The following IQCH variants were observed in gnomAD, a reference collection of about 807,000 sequenced individuals.
IQCH encodes the protein IQ motif containing H.
In IQCH, 98 loss-of-function variants were observed where a neutral mutation model predicts 117.0. The observed-to-expected ratio is 0.84, with a 90% CI of 0.71 to 0.99. The LOEUF is 0.99. Among genes scored for constraint, IQCH ranks in the 50% least tolerant of loss-of-function variants. The pLI, the probability that IQCH is intolerant of heterozygous loss-of-function variation, is 0.00. For synonymous variants in IQCH, 412 were observed against 448.2 expected, an observed-to-expected ratio of 0.92 and a Z score of 1.02; for missense variants, 1,102 against 1,243.8, an observed-to-expected ratio of 0.89 and a Z score of 1.72.
chr15:67,269,378 T>C (rs1965808068), intron 3 of IQCH, among the ~76,000 whole-genome samples: 1 of 152,192 alleles, frequency 6.6e-6, no homozygotes, highest in African/African-American at 2.4e-5. Flanking sequence ...AATACTTGTA[T>C]ATATTTTCAA....
Position 67,481,306 on chromosome 15 carries a change from C to T in IQCH, c.2799+5488C>T, listed in dbSNP as rs141154261. On this transcript the variant is annotated intron_variant, in intron 18 of 20. Transcript: ENST00000335894. This position sits in a 1 kb window ranked among gnomAD's most constrained non-coding sequence, Gnocchi z 4.1. ...GCCTGGGGAGGTCTCAGGAAACTTA[C>T]AATCATGGCGAAAGGGGAAGCAAAC... Among the ~76,000 whole-genome samples the T allele has an allele frequency of 7.1e-3, 1,086 of 152,268 alleles. 13 individuals are homozygous for T. The highest frequency in any genetic ancestry group is 8.2e-3 in the Non-Finnish European group (555 of 68,008).
chr15:67,298,847 CAG>C (rs1208304762), intron 4 of IQCH, among the ~76,000 whole-genome samples: 1 of 152,006 alleles, frequency 6.6e-6, no homozygotes, highest in Non-Finnish European at 1.5e-5. Context: ...GCCTGGGTGA[CAG>C]AGCAATAATC....
In IQCH at chr15:67,417,620, C is replaced by A. The variant is rs771517526; in HGVS notation, c.2218+569C>A. Among the ~76,000 whole-genome samples the A allele has an allele frequency of 6.6e-6, 1 of 152,256 alleles. No homozygotes were observed. Among genetic ancestry groups the A allele is most frequent in the East Asian group, 1.9e-4 (1 of 5,188 alleles). On this transcript the variant is annotated intron_variant, in intron 15 of 20. Coordinates refer to ENST00000335894, the MANE Select transcript of IQCH (RefSeq NM_001031715.3). The surrounding 1 kb of genome is among the most constrained non-coding windows in gnomAD (Gnocchi z 4.3). ...AAAGCGAGCCTCCATTCCTTTCATC[C>A]TCCTCCTCCTACTTCATCCTCATTT...
chr15:67,463,919 T>C lies in IQCH; in HGVS notation c.2506-1208T>C, dbSNP rs1025705838. Among the ~76,000 whole-genome samples, 2 of 152,220 alleles carry C rather than the reference T, an allele frequency of 1.3e-5. No homozygotes were observed. The highest frequency in any genetic ancestry group is 4.1e-4 in the South Asian group (2 of 4,830). On this transcript the variant is annotated intron_variant, in intron 16 of 20. Transcript: ENST00000335894. The surrounding 1 kb of genome is among the most constrained non-coding windows in gnomAD (Gnocchi z 4.0). ...CTGTAGTGGTCTGATCTCGGCTCAC[T>C]GAAACCTCTGCCTCCTGGGTTCAAG...
At chr15:67,380,861 G>A (rs895595865) in intron 10 of IQCH, among the ~76,000 whole-genome samples, 1 of 152,162 alleles carries the variant, frequency 6.6e-6, no homozygotes, top group Admixed American at 6.5e-5. Flanking sequence ...ACCAAACTGA[G>A]GCATGAATGA....
At chr15:67,324,866 G>C (rs1968334109) in intron 4 of IQCH, among the ~76,000 whole-genome samples, 1 of 151,990 alleles carries the variant, frequency 6.6e-6, no homozygotes, top group Non-Finnish European at 1.5e-5. Context: ...CCAGGGGTTT[G>C]ATTATCATAT....
At chr15:67,276,665 A>G (rs1347405930) in intron 3 of IQCH, among the ~76,000 whole-genome samples, 1 of 151,482 alleles carries the variant, frequency 6.6e-6, no homozygotes, top group Admixed American at 6.6e-5. Flanking sequence ...TCTTACTTGC[A>G]TAGTTTCTGA....
At chr15:67,262,102 A>G (rs928340416) in intron 2 of IQCH, among the ~76,000 whole-genome samples, 10 of 151,032 alleles carry the variant, frequency 6.6e-5, no homozygotes, top group African/African-American at 1.7e-4. Context: ...AAAAAAAAGT[A>G]TATAAAAAAT....
chr15:67,260,566 A>T (rs1965414367), intron 1 of IQCH, among the ~76,000 whole-genome samples: 1 of 152,126 alleles, frequency 6.6e-6, no homozygotes, highest in Admixed American at 6.5e-5. Flanking sequence ...CTTCTGCTAC[A>T]ACTTCTTTGC....
At chr15:67,333,743 T>C (rs550088385) in intron 4 of IQCH, among the ~76,000 whole-genome samples, 1 of 152,252 alleles carries the variant, frequency 6.6e-6, no homozygotes, top group South Asian at 2.1e-4. Flanking sequence ...TCTTTAAGCT[T>C]TTCTATATTT....
At chr15:67,421,647 C>T in intron 16 of IQCH, 70 bp downstream of exon 16, 1 of 1,473,456 alleles carries the variant, frequency 6.8e-7, no homozygotes, top group Non-Finnish European at 9.4e-7. Context: ...ACCTACAGTA[C>T]AACAGGGCAT....
At chr15:67,271,823 G>C (rs1371264159) in intron 3 of IQCH, among the ~76,000 whole-genome samples, 9 of 151,444 alleles carry the variant, frequency 5.9e-5, no homozygotes, top group Non-Finnish European at 1.3e-4. Context: ...TTTTTTCTTA[G>C]TCTAGCTAAA....
At chr15:67,460,499 A>G (rs1204772753) in intron 16 of IQCH, among the ~76,000 whole-genome samples, 1 of 152,216 alleles carries the variant, frequency 6.6e-6, no homozygotes, top group Middle Eastern at 3.2e-3. Context: ...CATCACTTGG[A>G]TGTGTCATAG....
At chr15:67,337,988 T>A (rs1046515393) in intron 5 of IQCH, among the ~76,000 whole-genome samples, 1 of 152,234 alleles carries the variant, frequency 6.6e-6, no homozygotes, top group Non-Finnish European at 1.5e-5. Flanking sequence ...TCTGGATTTG[T>A]TAAGCTTCTC....
In IQCH at chr15:67,494,328, A is replaced by G; in HGVS notation, c.2932A>G (p.Ile978Val). The stretch of plus-strand genomic sequence containing the variant: ...CCATCTCTTCATCATCCATCAAGAA[A>G]TATCAGCACCTAATATGCAAGGCGA... ...ARHLFIIHQE[I>V]SAPNMQGETN... The change falls in exon 20 of 21, where the codon ATA (isoleucine) becomes GTA (valine). Residue 978 changes from isoleucine (I) to valine (V), a missense_variant. Ile to Val is a conservative substitution (Grantham distance 29, BLOSUM62 3). Around this residue, in one of 2 missense-constraint regions of IQCH, gnomAD observed 650 missense variants for 794.3 expected, o/e 0.82. Coordinates refer to ENST00000335894, the MANE Select transcript of IQCH (RefSeq NM_001031715.3). This position sits in a 1 kb window ranked among gnomAD's most constrained non-coding sequence, Gnocchi z 5.5. 6.2e-7 allele frequency: 1 copy of G among 1,613,402 alleles called. No individual in the cohort carries two copies. Among genetic ancestry groups the G allele is most frequent in the Non-Finnish European group, 8.5e-7 (1 of 1,179,904 alleles).
rs1254192153 is a variant in IQCH, at chr15:67,443,043, A to ATG, written c.2505+21466_2505+21467insTG. On this transcript the variant is annotated intron_variant, in intron 16 of 20. Coordinates refer to ENST00000335894, the MANE Select transcript of IQCH (RefSeq NM_001031715.3). This position sits in a 1 kb window ranked among gnomAD's most constrained non-coding sequence, Gnocchi z 5.0. ...AGTCTTGCTGTTTCGCCCAGTCCAG[A>ATG]GTGCAGTGGTGCGATCTCGGCTCAC... Among the ~76,000 whole-genome samples, 1 of 151,358 alleles carries ATG rather than the reference A, an allele frequency of 6.6e-6. No homozygotes were observed. Among genetic ancestry groups the ATG allele is most frequent in the Non-Finnish European group, 1.5e-5 (1 of 67,922 alleles).
chr15:67,333,025 C>G (rs1596199799), intron 4 of IQCH, among the ~76,000 whole-genome samples: 1 of 152,132 alleles, frequency 6.6e-6, no homozygotes, highest in African/African-American at 2.4e-5. Context: ...GGACCTGTTT[C>G]CTGGTTCATA....
Position 67,386,999 on chromosome 15 carries a change from G to A in IQCH, c.1457-1832G>A, listed in dbSNP as rs1040731197. Among the ~76,000 whole-genome samples the A allele has an allele frequency of 1.4e-4, 22 of 151,964 alleles. No homozygotes were observed. The highest frequency in any genetic ancestry group is 5.3e-4 in the African/African-American group (22 of 41,356). On this transcript the variant is annotated intron_variant, in intron 11 of 20. Transcript: ENST00000335894. The surrounding 1 kb of genome is among the most constrained non-coding windows in gnomAD (Gnocchi z 5.0). ...AAAAAATTATTTTTCATCTGTTACA[G>A]TCTGTAAGCTATTTTTGTTGTTTTT...
intron 8 of IQCH, among the ~76,000 whole-genome samples, chr15:67,363,605 T>C (rs1970228118): frequency 6.6e-6 from 1 of 152,156 alleles, no homozygotes; most frequent in Admixed American, 6.5e-5. Context: ...GTTACATAGG[T>C]ATTAATAAGC....
Sources: gnomAD v4.1 joint callset for allele counts (sites outside exome capture counted in the v4.1 genomes callset) on GRCh38, gnomAD v4.1.1 for gene constraint, gnomAD v4.1.1 regional missense constraint, Gnocchi (gnomAD v3.1) non-coding constraint, MANE v1.5 for transcripts, NCBI Gene and HGNC (gene_info 2026-07-23, HGNC 2026-07-21) for gene names.